Variants in SLC13A3 observed in about 807,000 individuals in gnomAD.
SLC13A3 encodes Na(+)/dicarboxylate cotransporter 3.
SLC13A3 carries 40 observed loss-of-function variants against 59.0 expected under a neutral mutation model. The ratio of observed to expected loss-of-function variants is 0.68; its 90% CI spans 0.53 to 0.88. SLC13A3 has a LOEUF of 0.88. Among genes scored for constraint, SLC13A3 ranks in the 40% least tolerant of loss-of-function variants. The pLI is 0.00. For missense variants in SLC13A3, 699 were observed against 783.2 expected, an observed-to-expected ratio of 0.89 and a Z score of 1.28; for synonymous variants, 317 against 330.3, an observed-to-expected ratio of 0.96 and a Z score of 0.44.
At chr20:46,586,994 C>T (rs367762369) in intron 8 of SLC13A3, among the ~76,000 whole-genome samples, 23 of 152,102 alleles carry the variant, frequency 1.5e-4, no homozygotes, top group Non-Finnish European at 2.8e-4. Context: ...ATATAATTTT[C>T]GTGTATTACA....
At chr20:46,608,937 T>A (rs1464746834) in intron 3 of SLC13A3, 1 of 1,550,932 alleles carries the variant, frequency 6.4e-7, no homozygotes, top group Non-Finnish European at 8.7e-7. Flanking sequence ...AACCCGGAAG[T>A]TGCACACATC....
chr20:46,606,322 C>T (rs1305552808), intron 3 of SLC13A3, among the ~76,000 whole-genome samples: 1 of 152,166 alleles, frequency 6.6e-6, no homozygotes, highest in Non-Finnish European at 1.5e-5. Flanking sequence ...TTCCTATGTA[C>T]CTGGCTCTCG....
intron 10 of SLC13A3, among the ~76,000 whole-genome samples, chr20:46,570,778 T>C (rs374564): frequency 0.88 from 134,076 of 152,210 alleles, 59,368 homozygotes; most frequent in East Asian, 0.99. Flanking sequence ...AACTGAAGCA[T>C]AAAAAAGCTC....
intron 4 of SLC13A3, among the ~76,000 whole-genome samples, chr20:46,598,777 C>T (rs13041852): frequency 1.3e-5 from 2 of 152,166 alleles, no homozygotes; most frequent in Admixed American, 1.3e-4. Context: ...CCCACATGCT[C>T]TGTCCTCCAC....
upstream of SLC13A3, chr20:46,651,473 C>CCGG (rs1341565094): frequency 7.3e-7 from 1 of 1,369,202 alleles, no homozygotes; most frequent in Non-Finnish European, 9.3e-7. Flanking sequence ...CCGCCTGGCC[C>CCGG]CGGCGCCGGC....
At chr20:46,589,575 G>A (rs2062232167) in intron 6 of SLC13A3, among the ~76,000 whole-genome samples, 1 of 152,146 alleles carries the variant, frequency 6.6e-6, no homozygotes, top group African/African-American at 2.4e-5. Flanking sequence ...ATCACAAATG[G>A]GAATTTAGTC....
intron 10 of SLC13A3, among the ~76,000 whole-genome samples, chr20:46,573,445 C>T (rs189791194): frequency 6.6e-6 from 1 of 152,320 alleles, no homozygotes; most frequent in Non-Finnish European, 1.5e-5. Context: ...AGCTGCATTT[C>T]TCCCTCTGCA....
intron 3 of SLC13A3, among the ~76,000 whole-genome samples, chr20:46,602,901 A>G (rs1015568770): frequency 6.6e-6 from 1 of 152,176 alleles, no homozygotes; most frequent in African/African-American, 2.4e-5. Context: ...ATCTACTGCC[A>G]GGTGTGGTGA....
intron 1 of SLC13A3, among the ~76,000 whole-genome samples, chr20:46,659,640 G>C (rs538628361): frequency 6.6e-6 from 1 of 151,572 alleles, no homozygotes; most frequent in African/African-American, 2.4e-5. Context: ...GCTCGAGCCC[G>C]GGGAGGTGGA....
chr20:46,565,480 A>G (rs1306689907), intron 11 of SLC13A3, among the ~76,000 whole-genome samples: 1 of 152,124 alleles, frequency 6.6e-6, no homozygotes, highest in Non-Finnish European at 1.5e-5. Context: ...CCTGCCACTA[A>G]GCCTGGCTAC....
At chr20:46,665,373 A>T (rs1385534298) in intron 1 of SLC13A3, among the ~76,000 whole-genome samples, 1 of 152,016 alleles carries the variant, frequency 6.6e-6, no homozygotes, top group Non-Finnish European at 1.5e-5. Flanking sequence ...GGGAAATCTC[A>T]TGCCCACTAA....
rs1344325564 is a variant in SLC13A3, at chr20:46,558,942, T to G, written c.*1080A>C. 1 of 151,964 alleles carries G rather than the reference T, an allele frequency of 6.6e-6. No homozygotes were observed. Among genetic ancestry groups the G allele is most frequent in the African/African-American group, 2.4e-5 (1 of 41,378 alleles). The allele number at this position is 151,964 out of a possible 1,614,324, so 9.4% of individuals were successfully genotyped here. ...ATTAACCCTTGAAGGCAGACACCAC[T>G]TCCAGCCTCGGGCTCACGGGGACGT... On this transcript the variant is annotated 3_prime_UTR_variant, in exon 13 of 13. Transcript: ENST00000279027.
chr20:46,589,216 T>C lies in SLC13A3; in HGVS notation c.960A>G (p.Ala320=), dbSNP rs1171089623. ...RKNKSEIRTN[A]EDRARAVIRE... ...GAATTACAGCTCGAGCCCTATCTTC[T>C]GCATTGGTTCTTATCTCAGATTTAT... The change falls in exon 7 of 13, where the codon GCA becomes GCG. Residue 320 remains alanine (A), a synonymous_variant. Transcript: ENST00000279027. The C allele has an allele frequency of 2.5e-6, 4 of 1,614,242 alleles. No individual in the cohort carries two copies. The highest frequency in any genetic ancestry group is 3.4e-6 in the Non-Finnish European group (4 of 1,180,050).
At chr20:46,577,979 CTATTTATT>C (rs72370004) in intron 9 of SLC13A3, among the ~76,000 whole-genome samples, 1 of 151,632 alleles carries the variant, frequency 6.6e-6, no homozygotes, top group Non-Finnish European at 1.5e-5. Flanking sequence ...AAGTCCCTGG[CTATTTATT>C]TATTTTTTAT....
At chr20:46,647,737 G>C (rs1165476731) in intron 1 of SLC13A3, among the ~76,000 whole-genome samples, 1 of 152,150 alleles carries the variant, frequency 6.6e-6, no homozygotes, top group Non-Finnish European at 1.5e-5. Flanking sequence ...CCAGTCACCA[G>C]GAACAGGTGC....
At chr20:46,662,175 G>C (rs564555021) in intron 1 of SLC13A3, among the ~76,000 whole-genome samples, 1 of 152,248 alleles carries the variant, frequency 6.6e-6, no homozygotes, top group African/African-American at 2.4e-5. Flanking sequence ...TCCTCCTGGA[G>C]GTTAGCTCCT....
chr20:46,664,015 A>G (rs1395476279), intron 1 of SLC13A3, among the ~76,000 whole-genome samples: 2 of 152,208 alleles, frequency 1.3e-5, no homozygotes, highest in Admixed American at 1.3e-4. Context: ...CCCTCAGATA[A>G]CAAGGGTGCT....
intron 10 of SLC13A3, among the ~76,000 whole-genome samples, chr20:46,571,280 T>A (rs1399446766): frequency 6.6e-6 from 1 of 152,164 alleles, no homozygotes; most frequent in Admixed American, 6.5e-5. Context: ...ATAATAAAGA[T>A]GACAGACTTC....
rs1440769199 is a variant in SLC13A3, at chr20:46,588,165, T to C, written c.1017-2A>G. 1 of 1,598,944 alleles carries C rather than the reference T, an allele frequency of 6.3e-7. No homozygotes were observed. Among genetic ancestry groups the C allele is most frequent in the Non-Finnish European group, 8.6e-7 (1 of 1,168,842 alleles). ...ATGAAAACAGCCTGTTCGGCAAACC[T>C]GTGGCACAGACATGCAGGCATGATG... On this transcript the variant is annotated splice_acceptor_variant, in intron 7 of 12. Transcript: ENST00000279027. LOFTEE classifies it high-confidence loss of function.
Sources: gnomAD v4.1 joint callset for allele counts (sites outside exome capture counted in the v4.1 genomes callset) on GRCh38, gnomAD v4.1.1 for gene constraint, MANE v1.5 for transcripts, NCBI Gene and HGNC (gene_info 2026-07-23, HGNC 2026-07-21) for gene names.